The following ZBTB20 variants were observed in gnomAD, a reference collection of about 807,000 sequenced individuals.
The protein encoded by ZBTB20 is zinc finger and BTB domain containing 20.
ZBTB20 carries 9 observed loss-of-function variants against 56.9 expected under a neutral mutation model. That is an observed-to-expected ratio of 0.16 (90% CI 0.10 to 0.28). The LOEUF (loss-of-function observed/expected upper bound fraction) is 0.28, where lower values mean the gene tolerates loss of function less well. Ranked by LOEUF, ZBTB20 falls within the 10% of genes least tolerant of loss-of-function variation. The pLI, the probability that ZBTB20 is intolerant of heterozygous loss-of-function variation, is 1.00. For missense variants in ZBTB20, 655 were observed against 1,003.0 expected (o/e 0.65, Z 4.69); for synonymous variants, 417 against 420.7 (o/e 0.99, Z 0.11).
chr3:114,358,953 A>G (rs1430645661), intron 10 of ZBTB20, among the ~76,000 whole-genome samples: 17 of 152,144 alleles, frequency 1.1e-4, no homozygotes, highest in Non-Finnish European at 1.5e-5. Flanking sequence ...TCTGTTCACT[A>G]GGGAGCTCAG....
chr3:115,116,904 T>C (rs1037774612), intron 1 of ZBTB20, among the ~76,000 whole-genome samples: 5 of 152,092 alleles, frequency 3.3e-5, no homozygotes, highest in African/African-American at 1.2e-4. Flanking sequence ...AAGATCTGAA[T>C]ATGTTATGTG....
intron 6 of ZBTB20, among the ~76,000 whole-genome samples, chr3:114,559,005 T>C (rs1188669879): frequency 1.3e-5 from 2 of 152,150 alleles, no homozygotes; most frequent in Non-Finnish European, 2.9e-5. Flanking sequence ...CCGTGTGAGA[T>C]TTTACTCTTA....
chr3:114,704,220 A>G (rs1353999061), intron 5 of ZBTB20, among the ~76,000 whole-genome samples: 1 of 152,130 alleles, frequency 6.6e-6, no homozygotes, highest in Admixed American at 6.6e-5. Flanking sequence ...CTTTTATTAC[A>G]AAGACTTCAA....
intron 2 of ZBTB20, among the ~76,000 whole-genome samples, chr3:115,014,397 A>T (rs948848592): frequency 5.3e-5 from 8 of 151,776 alleles, no homozygotes; most frequent in East Asian, 2.0e-4. Context: ...TGTACATTTT[A>T]AAAAAACTAA....
intron 5 of ZBTB20, among the ~76,000 whole-genome samples, chr3:114,778,892 G>A (rs533331572): frequency 2.6e-5 from 4 of 152,234 alleles, no homozygotes; most frequent in Admixed American, 2.6e-4. Flanking sequence ...ATTAAAAAAA[G>A]TAACTGATGA....
chr3:115,144,522 A>C (rs2084909644), intron 1 of ZBTB20, among the ~76,000 whole-genome samples: 1 of 152,214 alleles, frequency 6.6e-6, no homozygotes, highest in African/African-American at 2.4e-5. Context: ...TTTCTGATCC[A>C]ATTATAGAAG....
At chr3:114,581,096 G>C (rs2054594461) in intron 6 of ZBTB20, among the ~76,000 whole-genome samples, 1 of 151,880 alleles carries the variant, frequency 6.6e-6, no homozygotes, top group Non-Finnish European at 1.5e-5. Flanking sequence ...TAGAAAAACA[G>C]TCCATCGGAT....
At chr3:114,637,968 T>C (rs1274966895) in intron 6 of ZBTB20, among the ~76,000 whole-genome samples, 1 of 152,082 alleles carries the variant, frequency 6.6e-6, no homozygotes, top group Non-Finnish European at 1.5e-5. Flanking sequence ...GTGGACACTA[T>C]TCCCTAACCA....
chr3:114,526,339 A>G (rs2047219923), intron 6 of ZBTB20, among the ~76,000 whole-genome samples: 1 of 152,178 alleles, frequency 6.6e-6, no homozygotes, highest in South Asian at 2.1e-4. Context: ...ATGCACCTGC[A>G]CTAGTGAGTT....
At chr3:114,768,964 G>A (rs1291280936) in intron 5 of ZBTB20, among the ~76,000 whole-genome samples, 1 of 152,156 alleles carries the variant, frequency 6.6e-6, no homozygotes, top group African/African-American at 2.4e-5. Flanking sequence ...CTTTGGAAAT[G>A]AGGACAATAG....
intron 7 of ZBTB20, among the ~76,000 whole-genome samples, chr3:114,484,075 G>A (rs1233933305): frequency 2.0e-5 from 3 of 152,212 alleles, no homozygotes; most frequent in Non-Finnish European, 4.4e-5. Flanking sequence ...GGTCACATAT[G>A]TGAGGACGTT....
At chr3:114,349,463 T>TTC (rs1178801638) in intron 11 of ZBTB20, among the ~76,000 whole-genome samples, 2 of 152,238 alleles carry the variant, frequency 1.3e-5, no homozygotes, top group Non-Finnish European at 2.9e-5. Flanking sequence ...CCCATCTTGA[T>TTC]GACTGAATCC....
At chr3:114,667,471 C>T (rs1376869075) in intron 6 of ZBTB20, among the ~76,000 whole-genome samples, 1 of 151,994 alleles carries the variant, frequency 6.6e-6, no homozygotes, top group Non-Finnish European at 1.5e-5. Context: ...ACTGCCCACC[C>T]TTCTGTTCTT....
chr3:114,839,341 C>A (rs190998808), intron 4 of ZBTB20, among the ~76,000 whole-genome samples: 11 of 150,970 alleles, frequency 7.3e-5, no homozygotes, highest in South Asian at 6.3e-4. Flanking sequence ...GTCAAGGCTG[C>A]AGCAAGCTGA....
intron 1 of ZBTB20, among the ~76,000 whole-genome samples, chr3:115,144,592 C>T (rs1192603953): frequency 6.6e-6 from 1 of 152,144 alleles, no homozygotes; most frequent in Non-Finnish European, 1.5e-5. Flanking sequence ...ATAGCCCTCA[C>T]ATGAAAGTTT....
chr3:114,404,695 G>T (rs1017360076), intron 7 of ZBTB20, among the ~76,000 whole-genome samples: 2 of 152,132 alleles, frequency 1.3e-5, no homozygotes, highest in African/African-American at 4.8e-5. Context: ...AGCCTGCCGA[G>T]CTAGCTTTAC....
chr3:114,479,102 G>T (rs1229388181), intron 7 of ZBTB20, among the ~76,000 whole-genome samples: 2 of 147,064 alleles, frequency 1.4e-5, no homozygotes, highest in African/African-American at 5.1e-5. Flanking sequence ...TTTCAGGATG[G>T]GGGGAAGAAG....
intron 2 of ZBTB20, among the ~76,000 whole-genome samples, chr3:114,998,065 A>T (rs1461541736): frequency 6.6e-6 from 1 of 151,770 alleles, no homozygotes; most frequent in Admixed American, 6.6e-5. Context: ...ACTACAGTCA[A>T]GCAAATTAAC....
intron 5 of ZBTB20, among the ~76,000 whole-genome samples, chr3:114,723,884 T>C (rs76754813): frequency 6.6e-6 from 1 of 152,104 alleles, no homozygotes; most frequent in Admixed American, 6.5e-5. Flanking sequence ...CTTTTTTTTT[T>C]CTTAGACGGA....
Sources: allele counts gnomAD v4.1 joint callset (sites outside exome capture counted in the v4.1 genomes callset), GRCh38; gene constraint gnomAD v4.1.1; transcripts MANE v1.5; gene names NCBI Gene and HGNC (gene_info 2026-07-23, HGNC 2026-07-21).